The following METTL15 variants were observed in gnomAD, a reference collection of about 807,000 sequenced individuals.
The protein encoded by METTL15 is 12S rRNA N(4)-cytidine methyltransferase METTL15.
Under a neutral mutation model 38.3 loss-of-function variants are expected in METTL15, and 34 were observed. The observed-to-expected ratio is 0.89, with a 90% CI of 0.68 to 1.18. METTL15 has a LOEUF of 1.18. Among genes scored for constraint, METTL15 ranks in the 50% most tolerant of loss-of-function variants. METTL15 has a pLI of 0.00. For missense variants in METTL15, 438 were observed against 498.4 expected (o/e 0.88, Z 1.15); for synonymous variants, 162 against 170.9 (o/e 0.95, Z 0.41).
At chr11:28,158,110 T>C (rs1487789371) in intron 3 of METTL15, among the ~76,000 whole-genome samples, 1 of 152,198 alleles carries the variant, frequency 6.6e-6, no homozygotes, top group East Asian at 1.9e-4. Flanking sequence ...GTCCGGGACT[T>C]GGAAGAAGCA....
intron 3 of METTL15, among the ~76,000 whole-genome samples, chr11:28,117,241 G>GTA (rs1330453701): frequency 1.6e-5 from 1 of 62,060 alleles, no homozygotes; most frequent in Non-Finnish European, 3.7e-5. Context: ...ATGTATGTGT[G>GTA]TGTGTGTGTG....
At chr11:28,180,628 T>C (rs1320824318) in intron 3 of METTL15, among the ~76,000 whole-genome samples, 1 of 151,840 alleles carries the variant, frequency 6.6e-6, no homozygotes, top group Non-Finnish European at 1.5e-5. Context: ...CAACCTTTCT[T>C]TGTACTACTT....
intron 5 of METTL15, among the ~76,000 whole-genome samples, chr11:28,397,194 G>A (rs2133400204): frequency 6.6e-6 from 1 of 152,176 alleles, no homozygotes; most frequent in Non-Finnish European, 1.5e-5. Context: ...AGGACTTCAT[G>A]TCTAAAACAC....
At chr11:28,448,157 T>C (rs187116580) in intron 6 of METTL15, among the ~76,000 whole-genome samples, 93 of 152,296 alleles carry the variant, frequency 6.1e-4, no homozygotes, top group Non-Finnish European at 4.7e-4. Context: ...TCTCTTCTTA[T>C]CTCTGGCTGG....
At chr11:28,181,259 A>ATTTTTTTTTTTTTTTTTTTTTT (rs71449171) in intron 3 of METTL15, among the ~76,000 whole-genome samples, 7 of 133,790 alleles carry the variant, frequency 5.2e-5, no homozygotes, top group Non-Finnish European at 6.3e-5. Flanking sequence ...TTAATTTTTA[A>ATTTTTTTTTTTTTTTTTTTTTT]TTTTTTTTTT....
chr11:28,211,166 T>C lies in METTL15; in HGVS notation c.375T>C (p.Tyr125=), dbSNP rs527582039. Residue 125 remains tyrosine (Y), a synonymous_variant, in exon 4 of 7, where the codon TAT becomes TAC. Transcript: ENST00000407364. ...LYALDRDPTA[Y]ALAEHLSELY... ...CCTTGGACAGAGACCCAACAGCTTA[T>C]GCATTAGCTGAACATCTTTCAGAGT... 4 of 1,611,266 alleles carry C rather than the reference T, an allele frequency of 2.5e-6. No individual in the cohort carries two copies. Among genetic ancestry groups the C allele is most frequent in the African/African-American group, 2.7e-5 (2 of 74,922 alleles).
chr11:28,161,713 T>G (rs1209998453), intron 3 of METTL15, among the ~76,000 whole-genome samples: 1 of 150,572 alleles, frequency 6.6e-6, no homozygotes, highest in African/African-American at 2.5e-5. Flanking sequence ...ATGACTTGTA[T>G]TTTGAAACTT....
At chr11:28,285,342 C>G (rs1784969507) in intron 4 of METTL15, among the ~76,000 whole-genome samples, 2 of 150,746 alleles carry the variant, frequency 1.3e-5, no homozygotes, top group South Asian at 2.1e-4. Context: ...AATTTATAAA[C>G]TTTCTTAAAA....
intron 3 of METTL15, among the ~76,000 whole-genome samples, chr11:28,132,294 T>C (rs1849364410): frequency 6.6e-6 from 1 of 152,148 alleles, no homozygotes; most frequent in Non-Finnish European, 1.5e-5. Context: ...CTGATTTAAA[T>C]GGTAATATGT....
chr11:28,216,748 T>G (rs967962330), intron 4 of METTL15, among the ~76,000 whole-genome samples: 1 of 126,778 alleles, frequency 7.9e-6, no homozygotes, highest in Non-Finnish European at 1.6e-5. Flanking sequence ...TGTATGCTAT[T>G]CCCCTTCCTG....
intron 6 of METTL15, among the ~76,000 whole-genome samples, chr11:28,444,496 A>G (rs1313175997): frequency 2.6e-5 from 4 of 152,230 alleles, no homozygotes; most frequent in Admixed American, 6.5e-5. Flanking sequence ...TGCAGACAGT[A>G]CTACTCAACT....
chr11:28,360,855 G>T (rs1462051309), intron 4 of METTL15, among the ~76,000 whole-genome samples: 37 of 126,982 alleles, frequency 2.9e-4, no homozygotes, highest in African/African-American at 1.2e-3. Context: ...TCCCCTTCCT[G>T]TGTCCATGTG....
At chr11:28,179,959 T>C (rs1233033874) in intron 3 of METTL15, among the ~76,000 whole-genome samples, 1 of 151,838 alleles carries the variant, frequency 6.6e-6, no homozygotes, top group Non-Finnish European at 1.5e-5. Flanking sequence ...GTATGGTATG[T>C]CATTGGTATT....
intron 5 of METTL15, among the ~76,000 whole-genome samples, chr11:28,406,627 C>T (rs1850676224): frequency 6.6e-6 from 1 of 152,124 alleles, no homozygotes; most frequent in South Asian, 2.1e-4. Context: ...ATGTCATCTG[C>T]AAATAGAGAC....
chr11:28,124,205 C>G (rs531981218), intron 3 of METTL15, among the ~76,000 whole-genome samples: 3 of 152,138 alleles, frequency 2.0e-5, no homozygotes, highest in African/African-American at 7.2e-5. Context: ...CCCCTCAAAC[C>G]TAAGTGTTCT....
chr11:28,242,478 A>G (rs1334759114), intron 4 of METTL15, among the ~76,000 whole-genome samples: 3 of 152,238 alleles, frequency 2.0e-5, no homozygotes, highest in African/African-American at 4.8e-5. Context: ...TTTAGAGAAC[A>G]TCATTCCTAG....
At chr11:28,318,577 T>G (rs1565250841) in intron 6 of METTL15, among the ~76,000 whole-genome samples, 2 of 152,176 alleles carry the variant, frequency 1.3e-5, no homozygotes, top group Non-Finnish European at 2.9e-5. Flanking sequence ...AAAAGTTAGT[T>G]TTCTCTATCA....
At position 28,330,381 on chromosome 11, in the gene METTL15, C is replaced by T; in HGVS notation, c.779-15C>T. 2.0e-6 allele frequency: 3 copies of T among 1,522,824 alleles called. No homozygotes were observed. The South Asian group carries it at 3.8e-5, about 19-fold the overall frequency. 94.3% of individuals were successfully genotyped at this position (1,522,824 alleles called of 1,614,324 possible). On this transcript the variant is annotated splice_polypyrimidine_tract_variant and intron_variant, in intron 6 of 6. Coordinates refer to ENST00000407364, the MANE Select transcript of METTL15 (RefSeq NM_001113528.2). Reference sequence around the variant, plus strand: ...TACCGGTCTTCTTTTCCTATCTTTACAACATTTGTTTTAGGAGCATTTCCT... The same window carrying T: ...TACCGGTCTTCTTTTCCTATCTTTATAACATTTGTTTTAGGAGCATTTCCT...
intron 4 of METTL15, among the ~76,000 whole-genome samples, chr11:28,215,523 G>A (rs770078785): frequency 5.9e-5 from 9 of 151,774 alleles, no homozygotes; most frequent in Non-Finnish European, 1.3e-4. Context: ...CTTCACTTGG[G>A]GCTATTGTTT....
Sources: allele counts gnomAD v4.1 joint callset (sites outside exome capture counted in the v4.1 genomes callset), GRCh38; gene constraint gnomAD v4.1.1; transcripts MANE v1.5; gene names NCBI Gene and HGNC (gene_info 2026-07-23, HGNC 2026-07-21).